ST3GAL3: variants seen among roughly 807,000 people sequenced by gnomAD.
The protein encoded by ST3GAL3 is ST3 beta-galactoside alpha-2,3-sialyltransferase 3, also known as CMP-N-acetylneuraminate-beta-1,4-galactoside alpha-2,3-sialyltransferase.
Under a neutral mutation model 50.1 loss-of-function variants are expected in ST3GAL3, and 21 were observed. That is an observed-to-expected ratio of 0.42 (90% CI 0.30 to 0.60). The LOEUF is 0.60. Ranked by LOEUF, ST3GAL3 falls within the 20% of genes least tolerant of loss-of-function variation. ST3GAL3 has a pLI of 0.19. For synonymous variants in ST3GAL3, 183 were observed against 190.0 expected (o/e 0.96, Z 0.30); for missense variants, 353 against 489.4 (o/e 0.72, Z 2.63).
intron 9 of ST3GAL3, among the ~76,000 whole-genome samples, chr1:43,903,616 A>C (rs761132260): frequency 6.6e-6 from 1 of 152,206 alleles, no homozygotes; most frequent in Non-Finnish European, 1.5e-5. Flanking sequence ...GTCCCTGGAC[A>C]GCCTTGACAC....
intron 2 of ST3GAL3, among the ~76,000 whole-genome samples, chr1:43,780,197 C>T (rs1272866912): frequency 6.6e-6 from 1 of 152,128 alleles, no homozygotes; most frequent in Non-Finnish European, 1.5e-5. Flanking sequence ...AGTCTTGCTG[C>T]GTATAGAATT....
intron 1 of ST3GAL3, among the ~76,000 whole-genome samples, chr1:43,727,784 A>T (rs1056152987): frequency 1.3e-4 from 20 of 151,630 alleles, no homozygotes; most frequent in Admixed American, 5.9e-4. Flanking sequence ...TGTCTCAAAA[A>T]TTTTTTTTTT....
intron 4 of ST3GAL3, among the ~76,000 whole-genome samples, chr1:43,824,378 G>C (rs1166138324): frequency 1.3e-5 from 2 of 149,832 alleles, no homozygotes; most frequent in Non-Finnish European, 3.0e-5. Context: ...AAAAAAAAAA[G>C]AGGAAAGGGG....
At chr1:43,855,843 C>T (rs907606706) in intron 5 of ST3GAL3, among the ~76,000 whole-genome samples, 2 of 151,856 alleles carry the variant, frequency 1.3e-5, no homozygotes, top group Non-Finnish European at 2.9e-5. Context: ...CACAATGAAA[C>T]GGGCATTAAT....
At chr1:43,759,199 A>C (rs1422114385) in intron 2 of ST3GAL3, among the ~76,000 whole-genome samples, 1 of 151,698 alleles carries the variant, frequency 6.6e-6, no homozygotes, top group African/African-American at 2.4e-5. Flanking sequence ...TAATCCCAGC[A>C]CTTTGGGAGG....
intron 4 of ST3GAL3, among the ~76,000 whole-genome samples, chr1:43,828,564 C>T (rs1461159597): frequency 1.3e-5 from 2 of 151,964 alleles, no homozygotes; most frequent in Non-Finnish European, 2.9e-5. Flanking sequence ...AAACAACCAA[C>T]CCAATTAAAA....
At chr1:43,858,043 A>T in intron 5 of ST3GAL3, 1 of 964,128 alleles carries the variant, frequency 1.0e-6, no homozygotes, top group Non-Finnish European at 1.4e-6. Context: ...GTGTCGGACT[A>T]CAGTGGAAAG....
intron 6 of ST3GAL3, chr1:43,896,611 CA>C (rs2077423739): frequency 6.6e-6 from 1 of 152,280 alleles, no homozygotes; most frequent in African/African-American, 2.4e-5. Context: ...GTGGCACACA[CA>C]CGACTCACTG....
intron 2 of ST3GAL3, among the ~76,000 whole-genome samples, chr1:43,742,502 A>G (rs925183594): frequency 5.3e-5 from 8 of 152,236 alleles, no homozygotes; most frequent in African/African-American, 1.9e-4. Flanking sequence ...CACTCTTCAT[A>G]GGAAGATAAC....
At chr1:43,859,822 G>A (rs1435716402) in intron 5 of ST3GAL3, among the ~76,000 whole-genome samples, 2 of 152,196 alleles carry the variant, frequency 1.3e-5, no homozygotes, top group African/African-American at 4.8e-5. Flanking sequence ...TGTCCAAGGT[G>A]ACTATGATCA....
chr1:43,773,277 T>C (rs1369863913), intron 2 of ST3GAL3, among the ~76,000 whole-genome samples: 1 of 152,186 alleles, frequency 6.6e-6, no homozygotes, highest in African/African-American at 2.4e-5. Context: ...TGTGATTTTT[T>C]TGTTTTTGTT....
intron 9 of ST3GAL3, among the ~76,000 whole-genome samples, chr1:43,905,128 T>C (rs1301558201): frequency 3.6e-4 from 41 of 113,810 alleles, no homozygotes; most frequent in African/African-American, 1.4e-3. Flanking sequence ...CCACTCTTCC[T>C]CCTCCTCCTC....
At chr1:43,851,283 A>G in intron 5 of ST3GAL3, 7 of 1,579,864 alleles carry the variant, frequency 4.4e-6, no homozygotes, top group Non-Finnish European at 6.1e-6. Context: ...TCTGTCATGA[A>G]CCCGTGGGTC....
chr1:43,824,621 C>T, intron 4 of ST3GAL3: 2 of 1,347,894 alleles, frequency 1.5e-6, no homozygotes, highest in Non-Finnish European at 2.1e-6. Flanking sequence ...TGGCTAGGTT[C>T]TTTGCTTCAT....
At chr1:43,858,367 C>T (rs947415052) in intron 5 of ST3GAL3, 16 of 1,213,512 alleles carry the variant, frequency 1.3e-5, no homozygotes, top group Non-Finnish European at 1.7e-5. Context: ...CCTTTGCAGA[C>T]CAGTTCCAGG....
intron 2 of ST3GAL3, among the ~76,000 whole-genome samples, chr1:43,787,000 C>T (rs2057427664): frequency 6.6e-6 from 1 of 152,236 alleles, no homozygotes; most frequent in Non-Finnish European, 1.5e-5. Context: ...GCTCTGGAAA[C>T]TTGTCCAATG....
intron 7 of ST3GAL3, 41 bp downstream of exon 7, chr1:43,898,339 G>C: frequency 2.5e-6 from 4 of 1,606,420 alleles, no homozygotes; most frequent in Non-Finnish European, 3.4e-6. Context: ...ACCGCTGCCT[G>C]GTGGTGTGCA....
intron 5 of ST3GAL3, chr1:43,851,666 G>T: frequency 7.5e-7 from 1 of 1,329,032 alleles, no homozygotes; most frequent in Non-Finnish European, 1.1e-6. Flanking sequence ...GAGGGGCTGC[G>T]CCAGCATCTT....
At chr1:43,756,254 G>A (rs1688070527) in intron 2 of ST3GAL3, among the ~76,000 whole-genome samples, 1 of 152,128 alleles carries the variant, frequency 6.6e-6, no homozygotes, top group Non-Finnish European at 1.5e-5. Flanking sequence ...ATGGCACCAT[G>A]TATGTGAAAT....
Sources: gnomAD v4.1 joint callset for allele counts (sites outside exome capture counted in the v4.1 genomes callset) on GRCh38, gnomAD v4.1.1 for gene constraint, MANE v1.5 for transcripts, NCBI Gene and HGNC (gene_info 2026-07-23, HGNC 2026-07-21) for gene names.